GRAMD4: variants seen among roughly 807,000 people sequenced by gnomAD.
GRAMD4 encodes GRAM domain-containing protein 4.
GRAMD4 carries 25 observed loss-of-function variants against 83.9 expected under a neutral mutation model. That is an observed-to-expected ratio of 0.30 (90% confidence interval 0.22 to 0.42). The LOEUF (loss-of-function observed/expected upper bound fraction) is 0.42. Ranked by LOEUF, GRAMD4 falls within the 10% of genes least tolerant of loss-of-function variation. The pLI, the probability that GRAMD4 is intolerant of heterozygous loss-of-function variation, is 1.00. For missense variants in GRAMD4, 593 were observed against 788.7 expected (o/e 0.75, Z 2.97); for synonymous variants, 336 against 320.9 (o/e 1.05, Z -0.50).
chr22:46,648,719 GATGGATGCATGGATGGATGGATGGATGC>G (rs2082110349), intron 3 of GRAMD4, among the ~76,000 whole-genome samples: 1 of 147,254 alleles, frequency 6.8e-6, no homozygotes, highest in African/African-American at 2.6e-5. Flanking sequence ...TGGATGGATG[GATGGATGCATGGATGGATGGATGGATGC>G]ATGGATGGAT....
In GRAMD4 at chr22:46,672,163, A is replaced by G. The variant is rs1462219438; in HGVS notation, c.1085-680A>G. Among the ~76,000 whole-genome samples the G allele has an allele frequency of 6.6e-6, 1 of 152,190 alleles. No homozygotes were observed. Among genetic ancestry groups the G allele is most frequent in the African/African-American group, 2.4e-5 (1 of 41,460 alleles). ...TGTGTGGGGGCCGGCCCCGCCTCCC[A>G]TCCCTGCATCTGTTGCCAGGTGGGG... On this transcript the variant is annotated intron_variant, in intron 13 of 18. Transcript: ENST00000406902. The surrounding 1 kb of genome is among the most constrained non-coding windows in gnomAD (Gnocchi z 4.7).
At position 46,676,615 on chromosome 22, in the gene GRAMD4, G is replaced by T; in HGVS notation, c.1579G>T (p.Val527Phe). The change falls in exon 18 of 19, where the codon GTC becomes TTC. Residue 527 changes from valine to phenylalanine, a missense_variant. By Grantham distance (50) the Val-to-Phe change is conservative (BLOSUM62 -1). Around this residue, in one of 4 missense-constraint regions of GRAMD4, gnomAD observed 74 missense variants for 152.7 expected, o/e 0.48. Coordinates refer to ENST00000406902, the MANE Select transcript of GRAMD4 (RefSeq NM_015124.5). ...TDIQKYKVLS[V>F]LPGSGMGIAV... is the part of the protein sequence containing the mutation. The stretch of plus-strand genomic sequence containing the variant: ...TGCCTTTCAGTACAAGGTCCTGTCT[G>T]TCCTCCCAGGCTCAGGCATGGGGAT... The T allele has an allele frequency of 6.5e-7, 1 of 1,549,380 alleles. No homozygotes were observed.
intron 3 of GRAMD4, among the ~76,000 whole-genome samples, chr22:46,640,031 G>A (rs561817038): frequency 2.6e-5 from 4 of 152,144 alleles, no homozygotes; most frequent in Admixed American, 1.3e-4. Context: ...CTCCCTGGGC[G>A]GTGGCAGCAG....
intron 1 of GRAMD4, among the ~76,000 whole-genome samples, chr22:46,625,130 A>G (rs1267453925): frequency 2.0e-5 from 3 of 151,970 alleles, no homozygotes; most frequent in South Asian, 2.1e-4. Flanking sequence ...AAAGTGCTGG[A>G]ATTACAGGCG....
chr22:46,600,523 C>T (rs1490806701), intron 1 of GRAMD4, among the ~76,000 whole-genome samples: 2 of 152,142 alleles, frequency 1.3e-5, no homozygotes, highest in Non-Finnish European at 2.9e-5. Context: ...GGTAATTCCC[C>T]GTGGAGAGCA....
Position 46,677,667 on chromosome 22 carries a change from G to C in GRAMD4, c.*416G>C. On this transcript the variant is annotated 3_prime_UTR_variant, in exon 19 of 19. Coordinates refer to ENST00000406902, the MANE Select transcript of GRAMD4 (RefSeq NM_015124.5). ...GGCCAGAAGCTCGTCCACCACCAAAGCCATAGCTGAAGAGTGCGGGGCCCT... is the reference window on the plus strand; with the variant it reads ...GGCCAGAAGCTCGTCCACCACCAAACCCATAGCTGAAGAGTGCGGGGCCCT... The C allele has an allele frequency of 3.0e-6, 3 of 994,680 alleles. No homozygotes were observed. The highest frequency in any genetic ancestry group is 3.6e-6 in the Non-Finnish European group (3 of 835,398). 61.6% of individuals were successfully genotyped at this position (994,680 alleles called of 1,614,324 possible). A position where few individuals can be genotyped will look rare whatever the true frequency, so the allele number is the denominator to read the frequency against.
intron 1 of GRAMD4, chr22:46,577,396 C>CCCGCCGCCGCCGCCGCGG (rs1555949302): frequency 3.4e-6 from 1 of 291,528 alleles, no homozygotes; most frequent in Non-Finnish European, 5.0e-6. Context: ...CCGCGCTCTC[C>CCCGCCGCCGCCGCCGCGG]CCGCCGCCGC....
At position 46,677,302 on chromosome 22, in the gene GRAMD4, C is replaced by CTTTTTTTTTTTT; in HGVS notation, c.*53_*64dup. 7.5e-7 allele frequency: 1 copy of CTTTTTTTTTTTT among 1,340,582 alleles called. No individual in the cohort carries two copies. The allele number at this position is 1,340,582 out of a possible 1,614,324, so 83.0% of individuals were successfully genotyped here. A position where few individuals can be genotyped will look rare whatever the true frequency, so the allele number is the denominator to read the frequency against. Reference sequence around the variant, plus strand: ...GAATTTTCTTTTTCTTTTTCTTTTTCTTTTTTTTTTTTTACGATTTGGTAG... The same window carrying CTTTTTTTTTTTT: ...GAATTTTCTTTTTCTTTTTCTTTTTCTTTTTTTTTTTTTTTTTTTTTTTTTACGATTTGGTAG... On this transcript the variant is annotated 3_prime_UTR_variant, in exon 19 of 19. Coordinates refer to ENST00000406902, the MANE Select transcript of GRAMD4 (RefSeq NM_015124.5).
Position 46,663,151 on chromosome 22 carries a change from A to G in GRAMD4, c.578A>G (p.Glu193Gly), listed in dbSNP as rs1306654085. ...FQPEENTVETEEPLSARRLTE... is the reference protein window; with the variant it reads ...FQPEENTVETGEPLSARRLTE... ...CCCGAGGAGAACACTGTGGAGACAG[A>G]GGAACCCCTGAGCGCCCGCAGGTAG... is the stretch of plus-strand genomic sequence containing the variant. The change falls in exon 6 of 19, where the codon GAG becomes GGG. Residue 193 changes from glutamate (E) to glycine (G), a missense_variant. Physicochemically the swap from Glu to Gly is moderately conservative, Grantham distance 98. This residue lies in a region of GRAMD4 where 312 missense variants were observed against 350.7 expected (regional missense o/e 0.89). Transcript: ENST00000406902. 6.2e-7 allele frequency: 1 copy of G among 1,611,998 alleles called. No individual in the cohort carries two copies. The highest frequency in any genetic ancestry group is 1.7e-5 in the Admixed American group (1 of 60,004).
intron 2 of GRAMD4, among the ~76,000 whole-genome samples, chr22:46,631,081 G>A (rs1008898818): frequency 1.3e-5 from 2 of 152,222 alleles, no homozygotes; most frequent in Non-Finnish European, 2.9e-5. Flanking sequence ...TAGGTTGCAC[G>A]GCTTTTATTG....
At position 46,620,582 on chromosome 22, in the gene GRAMD4, A is replaced by AG. The variant is rs1463289871; in HGVS notation, c.-50+22dup. 3.9e-4 allele frequency: 1 copy of AG among 2,546 alleles called. No individual in the cohort carries two copies. The highest frequency in any genetic ancestry group is 1.9e-3 in the African/African-American group (1 of 532). 0.2% of individuals were successfully genotyped at this position (2,546 alleles called of 1,614,324 possible). A position where few individuals can be genotyped will look rare whatever the true frequency, so the allele number is the denominator to read the frequency against. ...CAGACGGAGGTAGGGGGCAGGGGGC[A>AG]GGGGGCAGGGGGACATGGTAGGGCC... On this transcript the variant is annotated intron_variant, in intron 1 of 18. Coordinates refer to ENST00000406902, the MANE Select transcript of GRAMD4 (RefSeq NM_015124.5). The surrounding 1 kb of genome is among the most constrained non-coding windows in gnomAD (Gnocchi z 4.7).
chr22:46,673,099 C>T (rs2147407332), intron 14 of GRAMD4, 102 bp downstream of exon 14: 1 of 956,726 alleles, frequency 1.0e-6, no homozygotes, highest in East Asian at 2.7e-5. Flanking sequence ...CATTTAGAGG[C>T]TGTTTCTTCA....
At chr22:46,600,419 C>CT (rs2081301543) in intron 1 of GRAMD4, among the ~76,000 whole-genome samples, 1 of 152,204 alleles carries the variant, frequency 6.6e-6, no homozygotes, top group South Asian at 2.1e-4. Context: ...TGACGTGGTG[C>CT]TTTTTCACCC....
intron 3 of GRAMD4, among the ~76,000 whole-genome samples, chr22:46,642,463 T>C (rs186875714): frequency 3.7e-4 from 57 of 152,366 alleles, no homozygotes; most frequent in Admixed American, 1.3e-3. Context: ...TGTATCTTTG[T>C]TTTGCTGAAA....
At chr22:46,638,488 G>A (rs1157381816) in intron 3 of GRAMD4, among the ~76,000 whole-genome samples, 1 of 152,248 alleles carries the variant, frequency 6.6e-6, no homozygotes, top group African/African-American at 2.4e-5. Flanking sequence ...CTCTGCAGCA[G>A]TGAGAATGGC....
Position 46,678,224 on chromosome 22 carries a change from T to C in GRAMD4, c.*973T>C. 2.0e-6 allele frequency: 2 copies of C among 985,214 alleles called. No homozygotes were observed. The highest frequency in any genetic ancestry group is 2.4e-6 in the Non-Finnish European group (2 of 829,754). The allele number at this position is 985,214 out of a possible 1,614,324, so 61.0% of individuals were successfully genotyped here. A position where few individuals can be genotyped will look rare whatever the true frequency, so the allele number is the denominator to read the frequency against. The stretch of plus-strand genomic sequence containing the variant: ...GGGGAGGAGTGTTCCGGGACCATGG[T>C]GGCCCAGGCTGCAGCCGCCTTTGGG... On this transcript the variant is annotated 3_prime_UTR_variant, in exon 19 of 19. Transcript: ENST00000406902.
upstream of GRAMD4, chr22:46,620,178 C>T (rs768306072): frequency 3.3e-6 from 1 of 300,968 alleles, no homozygotes; most frequent in Non-Finnish European, 4.9e-6. This position sits in a 1 kb window ranked among gnomAD's most constrained non-coding sequence, Gnocchi z 4.7. Flanking sequence ...GTTTCTGAGT[C>T]CAGGGTTCCC....
chr22:46,589,943 C>G (rs2147000849), intron 1 of GRAMD4, among the ~76,000 whole-genome samples: 1 of 152,366 alleles, frequency 6.6e-6, no homozygotes, highest in African/African-American at 2.4e-5. Flanking sequence ...GCCAGCTCCC[C>G]TCGTGGCCCT....
chr22:46,586,154 A>T (rs2081147596), intron 1 of GRAMD4, among the ~76,000 whole-genome samples: 1 of 151,386 alleles, frequency 6.6e-6, no homozygotes, highest in African/African-American at 2.4e-5. Flanking sequence ...CTCGCTGGGG[A>T]TGCCAGCATT....
Sources: gnomAD v4.1 joint callset for allele counts (sites outside exome capture counted in the v4.1 genomes callset) on GRCh38, gnomAD v4.1.1 for gene constraint, gnomAD v4.1.1 regional missense constraint, Gnocchi (gnomAD v3.1) non-coding constraint, MANE v1.5 for transcripts, NCBI Gene and HGNC (gene_info 2026-07-23, HGNC 2026-07-21) for gene names.